ZMYM2: variants seen among roughly 807,000 people sequenced by gnomAD.
The protein encoded by ZMYM2 is zinc finger MYM-type containing 2.
In ZMYM2, 56 loss-of-function variants were observed where a neutral mutation model predicts 162.8. That is an observed-to-expected ratio of 0.34 (90% CI 0.28 to 0.43). The LOEUF (loss-of-function observed/expected upper bound fraction) is 0.43, where lower values mean the gene tolerates loss of function less well. Among genes scored for constraint, ZMYM2 ranks in the 20% least tolerant of loss-of-function variants. The pLI is 1.00. For missense variants in ZMYM2, 1,275 were observed against 1,621.8 expected, an observed-to-expected ratio of 0.79 and a Z score of 3.67; for synonymous variants, 510 against 541.6, an observed-to-expected ratio of 0.94 and a Z score of 0.81.
intron 12 of ZMYM2, among the ~76,000 whole-genome samples, chr13:20,040,638 C>T (rs1322013656): frequency 6.6e-6 from 1 of 152,116 alleles, no homozygotes; most frequent in Non-Finnish European, 1.5e-5. Flanking sequence ...TTCTTGTCTT[C>T]TGCTAGCTTT....
At chr13:20,051,147 A>G (rs1392721966) in intron 12 of ZMYM2, among the ~76,000 whole-genome samples, 2 of 152,070 alleles carry the variant, frequency 1.3e-5, no homozygotes, top group Non-Finnish European at 2.9e-5. Context: ...AAAAACATTA[A>G]AATACATTCA....
the ZMYM2 span, among the ~76,000 whole-genome samples, chr13:19,880,666 C>T: frequency 2.0e-5 from 3 of 151,884 alleles, no homozygotes. Flanking sequence ...TGAGCTCAGG[C>T]GATCCACCCG....
At chr13:19,997,470 T>C (rs764483432) in intron 3 of ZMYM2, among the ~76,000 whole-genome samples, 1 of 152,174 alleles carries the variant, frequency 6.6e-6, no homozygotes, top group Non-Finnish European at 1.5e-5. Context: ...TTTTGAAATT[T>C]CTTGTTACTT....
chr13:19,935,228 G>C, the ZMYM2 span, among the ~76,000 whole-genome samples: 1 of 152,108 alleles, frequency 6.6e-6, no homozygotes, highest in African/African-American at 2.4e-5. Flanking sequence ...CCTGCCTCCA[G>C]GTTCAAGAGA....
intron 11 of ZMYM2, 59 bp from the exon 12 acceptor site, chr13:20,036,678 C>G: frequency 7.4e-7 from 1 of 1,353,248 alleles, no homozygotes; most frequent in Non-Finnish European, 9.7e-7. Flanking sequence ...TCTGTCTCTG[C>G]TCAATAATTA....
At chr13:19,936,767 A>T in the ZMYM2 span, among the ~76,000 whole-genome samples, 2 of 152,106 alleles carry the variant, frequency 1.3e-5, no homozygotes, top group Non-Finnish European at 2.9e-5. Context: ...AACACTTAAA[A>T]AAATCAATTA....
chr13:19,997,019 T>C (rs1950066931), intron 3 of ZMYM2, among the ~76,000 whole-genome samples: 1 of 152,210 alleles, frequency 6.6e-6, no homozygotes. Context: ...CACAGCAGCC[T>C]GCGCAACACA....
chr13:19,901,727 G>A, the ZMYM2 span, among the ~76,000 whole-genome samples: 26 of 152,024 alleles, frequency 1.7e-4, no homozygotes, highest in African/African-American at 5.8e-4. Context: ...CACCCACCTC[G>A]GCCTCCCAAA....
At chr13:19,914,731 T>C in the ZMYM2 span, among the ~76,000 whole-genome samples, 4 of 152,220 alleles carry the variant, frequency 2.6e-5, no homozygotes, top group Non-Finnish European at 5.9e-5. Context: ...GAACTCAATT[T>C]ACAGCAGATG....
At position 20,085,363 on chromosome 13, in the gene ZMYM2, A is replaced by G. The variant is rs901779618; in HGVS notation, c.3942-459A>G. Among the ~76,000 whole-genome samples, 72 of 152,214 alleles carry G rather than the reference A, an allele frequency of 4.7e-4. 2 individuals carry two copies. Among genetic ancestry groups the G allele is most frequent in the Non-Finnish European group, 1.5e-4 (10 of 68,038 alleles). ...AACTATTTGTTAGTAGGAAATTCCT[A>G]TCTCACTATTACCTTGTTGGTATTT... is the stretch of plus-strand genomic sequence containing the variant. On this transcript the variant is annotated intron_variant, in intron 24 of 24. Coordinates refer to ENST00000610343, the MANE Select transcript of ZMYM2 (RefSeq NM_197968.4).
At chr13:19,935,624 C>G in the ZMYM2 span, among the ~76,000 whole-genome samples, 2 of 151,956 alleles carry the variant, frequency 1.3e-5, no homozygotes. Flanking sequence ...GAGGTAGAAT[C>G]TCAGTGTGGA....
At chr13:19,888,281 T>C in the ZMYM2 span, among the ~76,000 whole-genome samples, 1 of 151,826 alleles carries the variant, frequency 6.6e-6, no homozygotes, top group Non-Finnish European at 1.5e-5. Context: ...CTCGACCTCC[T>C]GGGCTCACGC....
At chr13:19,997,223 G>T (rs774329023) in intron 3 of ZMYM2, among the ~76,000 whole-genome samples, 2 of 152,124 alleles carry the variant, frequency 1.3e-5, no homozygotes, top group Non-Finnish European at 2.9e-5. Flanking sequence ...GCTACACAAT[G>T]GGTATTGATG....
upstream of ZMYM2, among the ~76,000 whole-genome samples, chr13:19,953,843 A>G (rs2138945842): frequency 6.6e-6 from 1 of 152,176 alleles, no homozygotes; most frequent in Middle Eastern, 3.4e-3. Context: ...TTTGTAAACC[A>G]TGAAATGAAC....
chr13:20,054,084 G>C (rs1368485535), intron 14 of ZMYM2, among the ~76,000 whole-genome samples: 3 of 152,216 alleles, frequency 2.0e-5, no homozygotes, highest in Non-Finnish European at 4.4e-5. Flanking sequence ...TGCCATTGCA[G>C]CTGTTGCCTT....
the ZMYM2 span, among the ~76,000 whole-genome samples, chr13:19,943,554 A>G: frequency 4.2e-4 from 64 of 152,274 alleles, no homozygotes; most frequent in Non-Finnish European, 8.7e-4. Context: ...TTACATTCAA[A>G]TTTATACCAG....
At chr13:20,051,882 A>G (rs985124198) in intron 13 of ZMYM2, among the ~76,000 whole-genome samples, 1 of 152,210 alleles carries the variant, frequency 6.6e-6, no homozygotes, top group Non-Finnish European at 1.5e-5. Flanking sequence ...AAGAATAGAC[A>G]TCTAACTATC....
At chr13:19,880,282 G>A in the ZMYM2 span, among the ~76,000 whole-genome samples, 1 of 152,066 alleles carries the variant, frequency 6.6e-6, no homozygotes. Context: ...GCAATATTAA[G>A]TCTTTCAGTT....
intron 6 of ZMYM2, among the ~76,000 whole-genome samples, chr13:20,014,319 G>A (rs150034744): frequency 3.9e-4 from 60 of 152,182 alleles, no homozygotes; most frequent in African/African-American, 1.2e-3. Context: ...TGATCCACCC[G>A]CCTCAGCCTC....
Sources: allele counts gnomAD v4.1 joint callset (sites outside exome capture counted in the v4.1 genomes callset), GRCh38; gene constraint gnomAD v4.1.1; transcripts MANE v1.5; gene names NCBI Gene and HGNC (gene_info 2026-07-23, HGNC 2026-07-21).